Variants in SLC10A6 observed in about 807,000 individuals in gnomAD.
SLC10A6 encodes solute carrier family 10 member 6.
SLC10A6 carries 27 observed loss-of-function variants against 30.0 expected under a neutral mutation model. The observed-to-expected ratio is 0.90, with a 90% CI of 0.66 to 1.24. The LOEUF (loss-of-function observed/expected upper bound fraction) is 1.24. SLC10A6 is among the 50% of genes most tolerant of loss of function. The pLI is 0.00. For missense variants in SLC10A6, 439 were observed against 457.0 expected (o/e 0.96, Z 0.36); for synonymous variants, 166 against 173.8 (o/e 0.95, Z 0.36).
chr4:86,823,552 A>G lies in SLC10A6; in HGVS notation c.*136T>C. ...GATCCCATCACAATTCACAATCCAC[A>G]TGAAAATATAAATATTCTAACATTG... is the stretch of plus-strand genomic sequence containing the variant. On this transcript the variant is annotated 3_prime_UTR_variant, in exon 6 of 6. Coordinates refer to ENST00000273905, the MANE Select transcript of SLC10A6 (RefSeq NM_197965.3). The G allele has an allele frequency of 1.4e-6, 1 of 696,658 alleles. No homozygotes were observed. Among genetic ancestry groups the G allele is most frequent in the Middle Eastern group, 4.1e-4 (1 of 2,424 alleles). 43.2% of individuals were successfully genotyped at this position (696,658 alleles called of 1,614,324 possible). A position where few individuals can be genotyped will look rare whatever the true frequency, so the allele number is the denominator to read the frequency against.
chr4:86,848,507 C>T (rs1037237129), intron 1 of SLC10A6, among the ~76,000 whole-genome samples: 7 of 152,026 alleles, frequency 4.6e-5, no homozygotes, highest in African/African-American at 1.7e-4. Context: ...CTGCTCAGAA[C>T]GCATCCCACT....
intron 1 of SLC10A6, among the ~76,000 whole-genome samples, chr4:86,836,526 C>T (rs919534235): frequency 2.0e-5 from 3 of 152,276 alleles, no homozygotes; most frequent in East Asian, 1.9e-4. Flanking sequence ...TCTTCCACCA[C>T]GTGAGGAGCA....
intron 1 of SLC10A6, among the ~76,000 whole-genome samples, chr4:86,842,884 T>TCTTTCTTTC: frequency 7.6e-6 from 1 of 132,316 alleles, no homozygotes; most frequent in Non-Finnish European, 1.5e-5. Flanking sequence ...CTTTTTTTTT[T>TCTTTCTTTC]TGAGATGGAG....
intron 1 of SLC10A6, among the ~76,000 whole-genome samples, chr4:86,833,685 GAATT>G (rs1190148386): frequency 5.3e-5 from 8 of 151,904 alleles, no homozygotes; most frequent in African/African-American, 1.9e-4. Flanking sequence ...AGGCACTATA[GAATT>G]ATTTTCTTAT....
At chr4:86,839,733 A>G (rs1242967937) in intron 1 of SLC10A6, among the ~76,000 whole-genome samples, 1 of 152,032 alleles carries the variant, frequency 6.6e-6, no homozygotes, top group Non-Finnish European at 1.5e-5. Flanking sequence ...GTGAATTCCC[A>G]AGGTGGAATT....
intron 1 of SLC10A6, among the ~76,000 whole-genome samples, chr4:86,834,648 G>A (rs1333078078): frequency 6.6e-6 from 1 of 152,116 alleles, no homozygotes; most frequent in Non-Finnish European, 1.5e-5. Flanking sequence ...TTGATCTGCA[G>A]TTTTCTTTTC....
chr4:86,837,327 A>AAGGGAGGGAGGGAGGG (rs1259167280), intron 1 of SLC10A6, among the ~76,000 whole-genome samples: 13 of 131,786 alleles, frequency 9.9e-5, no homozygotes, highest in South Asian at 2.3e-4. Flanking sequence ...GGAAGGAAGG[A>AAGGGAGGGAGGGAGGG]AGGAAGGAAG....
At chr4:86,843,080 AG>A (rs965727763) in intron 1 of SLC10A6, among the ~76,000 whole-genome samples, 3 of 151,980 alleles carry the variant, frequency 2.0e-5, no homozygotes. Context: ...CATGTTGGCC[AG>A]GCTGGTCTCG....
intron 1 of SLC10A6, among the ~76,000 whole-genome samples, chr4:86,837,898 G>A (rs563786712): frequency 6.3e-4 from 96 of 152,312 alleles, no homozygotes; most frequent in African/African-American, 2.2e-3. Flanking sequence ...ACAAAGGAGA[G>A]GGAGGAGGCC....
Position 86,848,865 on chromosome 4 carries a change from T to A in SLC10A6, c.251A>T (p.Tyr84Phe). The A allele has an allele frequency of 6.2e-7, 1 of 1,614,184 alleles. No homozygotes were observed. Among genetic ancestry groups the A allele is most frequent in the Non-Finnish European group, 8.5e-7 (1 of 1,180,030 alleles). ...CAGAGAAAAGCTAATGGCCAGGAGA[T>A]AAGCTGTAAAAGGCATGAGCCCAAA... ...CQFGLMPFTA[Y>F]LLAISFSLKP... Residue 84 changes from tyrosine (Y) to phenylalanine (F), a missense_variant, in exon 1 of 6, where the codon TAT becomes TTT. By Grantham distance (22) the Tyr-to-Phe change is conservative (BLOSUM62 3). Transcript: ENST00000273905.
chr4:86,842,570 T>C (rs1042373065), intron 1 of SLC10A6, among the ~76,000 whole-genome samples: 2 of 152,012 alleles, frequency 1.3e-5, no homozygotes, highest in Admixed American at 6.6e-5. Flanking sequence ...CGCATGCCTA[T>C]AGTCCCAGCT....
chr4:86,849,159 C>T lies in SLC10A6; in HGVS notation c.-44G>A, dbSNP rs1388833604. Reference sequence around the variant, plus strand: ...CAGCATTACAAATGAACATCGGCAACAATGGCTGGGCAGGTCTATCCTGCC... The same window carrying T: ...CAGCATTACAAATGAACATCGGCAATAATGGCTGGGCAGGTCTATCCTGCC... On this transcript the variant is annotated 5_prime_UTR_variant, in exon 1 of 6. Coordinates refer to ENST00000273905, the MANE Select transcript of SLC10A6 (RefSeq NM_197965.3). 1.9e-6 allele frequency: 3 copies of T among 1,566,476 alleles called. No homozygotes were observed. The East Asian group carries it at 6.7e-5, about 35-fold the overall frequency.
At chr4:86,847,558 T>G (rs1180824600) in intron 1 of SLC10A6, among the ~76,000 whole-genome samples, 1 of 152,080 alleles carries the variant, frequency 6.6e-6, no homozygotes, top group African/African-American at 2.4e-5. Flanking sequence ...ATCAAGTTAT[T>G]TTTTTTTCAA....
At chr4:86,834,560 G>A (rs921730037) in intron 1 of SLC10A6, among the ~76,000 whole-genome samples, 31 of 152,114 alleles carry the variant, frequency 2.0e-4, no homozygotes, top group African/African-American at 7.2e-4. Flanking sequence ...TGGTCATGGT[G>A]TATAATCCTT....
rs1745917955 is a variant in SLC10A6 at position 86,823,570 on chromosome 4, T to C, written c.*118A>G. ...AATCCACATGAAAATATAAATATTCTAACATTGAACACTTAAATATTCACA... is the reference window on the plus strand; with the variant it reads ...AATCCACATGAAAATATAAATATTCCAACATTGAACACTTAAATATTCACA... On this transcript the variant is annotated 3_prime_UTR_variant, in exon 6 of 6. Coordinates refer to ENST00000273905, the MANE Select transcript of SLC10A6 (RefSeq NM_197965.3). 1 of 754,818 alleles carries C rather than the reference T, an allele frequency of 1.3e-6. No homozygotes were observed. The highest frequency in any genetic ancestry group is 2.1e-6 in the Non-Finnish European group (1 of 482,880). 46.8% of individuals were successfully genotyped at this position (754,818 alleles called of 1,614,324 possible). A position where few individuals can be genotyped will look rare whatever the true frequency, so the allele number is the denominator to read the frequency against.
At chr4:86,845,080 C>T (rs930120991) in intron 1 of SLC10A6, among the ~76,000 whole-genome samples, 4 of 152,128 alleles carry the variant, frequency 2.6e-5, no homozygotes, top group African/African-American at 7.2e-5. Flanking sequence ...TATCACCACC[C>T]AAGACCAGTC....
In SLC10A6 at chr4:86,848,757, T is replaced by A; in HGVS notation, c.359A>T (p.Asp120Val). Residue 120 changes from aspartate (D) to valine (V), a missense_variant, in exon 1 of 6, where the codon GAT (aspartate) becomes GTT (valine). Transcript: ENST00000273905. Reference protein sequence around the residue: ...TISNIFTFWVDGDMDLSISMT... With the variant: ...TISNIFTFWVVGDMDLSISMT... ...TACTTACCTGAGATCCATATCTCCATCAACCCAGAAGGTGAAAATGTTAGA... is the reference window on the plus strand; with the variant it reads ...TACTTACCTGAGATCCATATCTCCAACAACCCAGAAGGTGAAAATGTTAGA... 1 of 1,593,638 alleles carries A rather than the reference T, an allele frequency of 6.3e-7. No individual in the cohort carries two copies. The highest frequency in any genetic ancestry group is 8.5e-7 in the Non-Finnish European group (1 of 1,170,226).
At chr4:86,836,136 T>C (rs781256882) in intron 1 of SLC10A6, among the ~76,000 whole-genome samples, 1 of 152,252 alleles carries the variant, frequency 6.6e-6, no homozygotes, top group Non-Finnish European at 1.5e-5. Context: ...GTGGTCTTTG[T>C]TCAACAAATC....
chr4:86,825,479 A>C lies in SLC10A6; in HGVS notation c.860T>G (p.Leu287Trp). 6.2e-7 allele frequency: 1 copy of C among 1,613,038 alleles called. No individual in the cohort carries two copies. Among genetic ancestry groups the C allele is most frequent in the Non-Finnish European group, 8.5e-7 (1 of 1,179,160 alleles). ...GAGTCCATAGGCCAGTGGGAAACTC[A>C]ACATCTGGACCAAGTGCTCAGCAGT... is the stretch of plus-strand genomic sequence containing the variant. ...SFTAEHLVQM[L>W]SFPLAYGLFQ... The change falls in exon 5 of 6, where the codon TTG (leucine) becomes TGG (tryptophan). Residue 287 changes from leucine to tryptophan, a missense_variant. Leu to Trp is a moderately conservative substitution (Grantham distance 61, BLOSUM62 -2). Coordinates refer to ENST00000273905, the MANE Select transcript of SLC10A6 (RefSeq NM_197965.3).
Sources: allele counts gnomAD v4.1 joint callset (sites outside exome capture counted in the v4.1 genomes callset), GRCh38; gene constraint gnomAD v4.1.1; transcripts MANE v1.5; gene names NCBI Gene and HGNC (gene_info 2026-07-23, HGNC 2026-07-21).